Variants in DAB1 observed in about 807,000 individuals in gnomAD.
DAB1 encodes the protein disabled homolog 1.
A neutral mutation model predicts 64.6 loss-of-function variants in DAB1; 15 were observed. The ratio of observed to expected loss-of-function variants is 0.23; its 90% CI spans 0.16 to 0.36. The LOEUF is 0.36. Ranked by LOEUF, DAB1 falls within the 10% of genes least tolerant of loss-of-function variation. The probability of loss-of-function intolerance (pLI) is 1.00; values close to 1 mark genes in which losing one functional copy is unlikely to be tolerated. For synonymous variants in DAB1, 235 were observed against 251.9 expected (o/e 0.93, Z 0.64); for missense variants, 596 against 706.7 (o/e 0.84, Z 1.78).
intron 5 of DAB1, among the ~76,000 whole-genome samples, chr1:57,987,443 T>C (rs962312979): frequency 9.2e-5 from 14 of 152,138 alleles, no homozygotes; most frequent in Non-Finnish European, 1.8e-4. Context: ...AGCTGGGGCA[T>C]AGGAAGGTGA....
At chr1:58,304,059 G>T (rs1662241945) in intron 4 of DAB1, among the ~76,000 whole-genome samples, 1 of 152,112 alleles carries the variant, frequency 6.6e-6, no homozygotes, top group Non-Finnish European at 1.5e-5. Context: ...TGCCCAGGGT[G>T]AGTAGCAATG....
At chr1:57,460,711 A>G (rs978018582) in intron 7 of DAB1, among the ~76,000 whole-genome samples, 6 of 152,096 alleles carry the variant, frequency 3.9e-5, no homozygotes, top group Non-Finnish European at 8.8e-5. Context: ...TGTCACAGCT[A>G]CAGAGGCCCC....
At chr1:57,895,965 A>G (rs558780798) in intron 5 of DAB1, among the ~76,000 whole-genome samples, 1 of 152,160 alleles carries the variant, frequency 6.6e-6, no homozygotes, top group Admixed American at 6.5e-5. Context: ...GGCTCTACCA[A>G]CTACTGACCC....
chr1:58,321,462 C>A (rs1302695872), intron 4 of DAB1, among the ~76,000 whole-genome samples: 3 of 152,234 alleles, frequency 2.0e-5, no homozygotes, highest in African/African-American at 7.2e-5. Context: ...CGAGGCATCA[C>A]CTCACCTGGG....
intron 1 of DAB1, among the ~76,000 whole-genome samples, chr1:57,405,766 A>G (rs1041414500): frequency 2.0e-5 from 3 of 152,208 alleles, no homozygotes; most frequent in African/African-American, 7.2e-5. Flanking sequence ...TTATAACAGG[A>G]GACACCTGAA....
chr1:57,011,477 G>A lies in DAB1; in HGVS notation c.1445-205C>T, dbSNP rs17450764. ...CACATCTGACTTCAGGAAGGAGCTC[G>A]TCCACACTGATAGGTAAGGCAGTGG... On this transcript the variant is annotated intron_variant, in intron 12 of 14. Transcript: ENST00000371236. Among the ~76,000 whole-genome samples, 4,227 of 152,240 alleles carry A rather than the reference G, an allele frequency of 0.028. 74 individuals are homozygous for A. The highest frequency in any genetic ancestry group is 0.044 in the South Asian group (214 of 4,818).
chr1:57,964,632 T>TC (rs1325641158), intron 5 of DAB1, among the ~76,000 whole-genome samples: 1 of 152,168 alleles, frequency 6.6e-6, no homozygotes, highest in Non-Finnish European at 1.5e-5. Flanking sequence ...ACCCCTGCCT[T>TC]CCCCACTAGA....
intron 3 of DAB1, among the ~76,000 whole-genome samples, chr1:58,366,357 T>G (rs148611113): frequency 6.6e-6 from 1 of 152,310 alleles, no homozygotes; most frequent in East Asian, 1.9e-4. Flanking sequence ...GGCCAGTGAC[T>G]AAGGGATCCA....
At chr1:57,680,432 T>C (rs1646623062) in intron 6 of DAB1, among the ~76,000 whole-genome samples, 1 of 152,238 alleles carries the variant, frequency 6.6e-6, no homozygotes, top group African/African-American at 2.4e-5. Flanking sequence ...GGTGCATTCC[T>C]TTCTGAAGAC....
At chr1:57,829,399 G>T (rs1164274860) in intron 1 of DAB1, among the ~76,000 whole-genome samples, 1 of 152,158 alleles carries the variant, frequency 6.6e-6, no homozygotes, top group South Asian at 2.1e-4. Flanking sequence ...CTGATCTTCA[G>T]CTCACAGGGC....
intron 12 of DAB1, among the ~76,000 whole-genome samples, chr1:57,013,582 T>C (rs1016378425): frequency 1.3e-5 from 2 of 152,224 alleles, no homozygotes; most frequent in African/African-American, 4.8e-5. Context: ...ATTCTGAACC[T>C]GGCTGAAATG....
chr1:57,456,964 C>A (rs141555938), intron 7 of DAB1, among the ~76,000 whole-genome samples: 15 of 152,130 alleles, frequency 9.9e-5, no homozygotes, highest in African/African-American at 3.4e-4. Flanking sequence ...CAAATCATAA[C>A]CCCCAGAATG....
rs757786615 is a variant in DAB1, at chr1:58,518,349, A to AGAAGGGAAGGGAAGG, written n.107+8911_107+8912insCCTTCCCTTCCCTTC. On this transcript the variant is annotated intron_variant and non_coding_transcript_variant, in intron 2 of 20. Coordinates refer to the DAB1 transcript ENST00000485760. ...AGAAGAGAAGAGAAGAGAAGAGAAG[A>AGAAGGGAAGGGAAGG]GAAGGGAAGGGAAGAGAAGAGAAGG... Among the ~76,000 whole-genome samples the AGAAGGGAAGGGAAGG allele has an allele frequency of 1.6e-3, 93 of 59,732 alleles. 5 individuals are homozygous for AGAAGGGAAGGGAAGG. Among genetic ancestry groups the AGAAGGGAAGGGAAGG allele is most frequent in the African/African-American group, 4.9e-3 (75 of 15,408 alleles). The allele number at this position is 59,732 out of a possible 152,430, so 39.2% of individuals were successfully genotyped here. A position where few individuals can be genotyped will look rare whatever the true frequency, so the allele number is the denominator to read the frequency against.
chr1:57,879,729 A>T (rs1644112682), intron 1 of DAB1, among the ~76,000 whole-genome samples: 2 of 152,236 alleles, frequency 1.3e-5, no homozygotes, highest in South Asian at 4.2e-4. Flanking sequence ...CACCTGGCTG[A>T]CACCTAAGCA....
chr1:58,484,595 G>A (rs183459631), intron 3 of DAB1, among the ~76,000 whole-genome samples: 56 of 152,186 alleles, frequency 3.7e-4, no homozygotes, highest in African/African-American at 1.2e-3. Context: ...GTTAAATGCC[G>A]GGCAAGGAAC....
chr1:57,154,162 A>G (rs1659987757), intron 2 of DAB1, among the ~76,000 whole-genome samples: 1 of 152,114 alleles, frequency 6.6e-6, no homozygotes, highest in African/African-American at 2.4e-5. Context: ...TATTTTTTGT[A>G]CCATTAGCCA....
intron 1 of DAB1, among the ~76,000 whole-genome samples, chr1:57,868,817 C>T (rs769128883): frequency 6.6e-6 from 1 of 152,142 alleles, no homozygotes. Context: ...ATACAACACA[C>T]TCTTCCTTAT....
rs962682755 is a variant in DAB1 at position 58,251,823 on chromosome 1, C to G, written n.309+91529G>C. Among the ~76,000 whole-genome samples the G allele has an allele frequency of 2.0e-5, 3 of 151,678 alleles. No homozygotes were observed. In the South Asian group the frequency reaches 6.3e-4, roughly 32 times the overall value. On this transcript the variant is annotated intron_variant and non_coding_transcript_variant, in intron 4 of 20. Coordinates refer to the DAB1 transcript ENST00000485760. Reference sequence around the variant, plus strand: ...TATTTGTAAAAGCTCACTCCAGCTGCTGTGCAGAGAATGTACTGAAGGGGG... The same window carrying G: ...TATTTGTAAAAGCTCACTCCAGCTGGTGTGCAGAGAATGTACTGAAGGGGG...
chr1:57,151,629 A>G (rs1333946379), intron 2 of DAB1, among the ~76,000 whole-genome samples: 1 of 152,110 alleles, frequency 6.6e-6, no homozygotes, highest in Non-Finnish European at 1.5e-5. Context: ...GGTCCTCAGA[A>G]CAAAACTTTC....
Sources: allele counts gnomAD v4.1 joint callset (sites outside exome capture counted in the v4.1 genomes callset), GRCh38; gene constraint gnomAD v4.1.1; transcripts MANE v1.5; gene names NCBI Gene and HGNC (gene_info 2026-07-23, HGNC 2026-07-21).